The following FIGN variants were observed in gnomAD, a reference collection of about 807,000 sequenced individuals.
FIGN encodes fidgetin, microtubule severing factor.
A neutral mutation model predicts 51.3 loss-of-function variants in FIGN; 11 were observed. The observed-to-expected ratio is 0.21, with a 90% CI of 0.13 to 0.35. The LOEUF is 0.35. FIGN is among the 10% of genes least tolerant of loss of function. The probability of loss-of-function intolerance (pLI) is 1.00; values close to 1 mark genes in which losing one functional copy is unlikely to be tolerated. For missense variants in FIGN, 857 were observed against 943.6 expected (o/e 0.91, Z 1.20); for synonymous variants, 407 against 363.2 (o/e 1.12, Z -1.37).
intron 2 of FIGN, among the ~76,000 whole-genome samples, chr2:163,616,022 C>G (rs1342857633): frequency 6.6e-6 from 1 of 151,996 alleles, no homozygotes; most frequent in Non-Finnish European, 1.5e-5. Flanking sequence ...AACATCTGAG[C>G]ATTGTTCTTA....
chr2:163,638,867 A>G (rs1683265468), intron 2 of FIGN, among the ~76,000 whole-genome samples: 1 of 152,174 alleles, frequency 6.6e-6, no homozygotes, highest in Admixed American at 6.6e-5. Context: ...GTTAGAACAT[A>G]TTACATCTCC....
At position 163,695,675 on chromosome 2, in the gene FIGN, C is replaced by G. The variant is rs1573956140; in HGVS notation, c.25+39228G>C. ...TCCTGGGCAAACTAAGATGTATATT[C>G]CCAGTAATTATAGCACTTAGTAGTT... On this transcript the variant is annotated intron_variant, in intron 2 of 2. Transcript: ENST00000333129. 4.6e-5 allele frequency among the ~76,000 whole-genome samples: 7 copies of G among 152,314 alleles called. No individual in the cohort carries two copies. The South Asian group carries it at 1.2e-3, about 27-fold the overall frequency.
At chr2:163,651,638 A>C (rs1683479524) in intron 2 of FIGN, among the ~76,000 whole-genome samples, 1 of 152,216 alleles carries the variant, frequency 6.6e-6, no homozygotes, top group Non-Finnish European at 1.5e-5. Context: ...GCTTTAAAAA[A>C]TGAGAGCTAA....
At chr2:163,694,993 G>T (rs910261298) in intron 2 of FIGN, among the ~76,000 whole-genome samples, 1 of 151,898 alleles carries the variant, frequency 6.6e-6, no homozygotes, top group African/African-American at 2.4e-5. Context: ...CTTTCTCCCA[G>T]GCCCCAGACT....
At chr2:163,716,492 C>T (rs780088421) in intron 2 of FIGN, among the ~76,000 whole-genome samples, 6 of 152,116 alleles carry the variant, frequency 3.9e-5, no homozygotes, top group Non-Finnish European at 7.3e-5. Context: ...GATTCCCTAC[C>T]ATTAGCTTTT....
chr2:163,604,936 C>CTTTTTTTTTTTTTTTTTTTT lies in FIGN; in HGVS notation c.*4615_*4616insAAAAAAAAAAAAAAAAAAAA, dbSNP rs71410075. On this transcript the variant is annotated 3_prime_UTR_variant, in exon 3 of 3. Transcript: ENST00000333129. ...TTTTAAGCCCAGAAATAAACTTTTG[C>CTTTTTTTTTTTTTTTTTTTT]TTTTTTTTTTTTTTTTTTTGTATCA... 1 of 94,258 alleles carries CTTTTTTTTTTTTTTTTTTTT rather than the reference C, an allele frequency of 1.1e-5. No individual in the cohort carries two copies. Among genetic ancestry groups the CTTTTTTTTTTTTTTTTTTTT allele is most frequent in the South Asian group, 4.7e-4 (1 of 2,144 alleles). The allele number at this position is 94,258 out of a possible 1,614,324, so 5.8% of individuals were successfully genotyped here.
At chr2:163,706,095 G>A (rs1048906005) in intron 2 of FIGN, among the ~76,000 whole-genome samples, 5 of 152,166 alleles carry the variant, frequency 3.3e-5, no homozygotes, top group South Asian at 2.1e-4. Context: ...AGCTCTATTC[G>A]TATTGCATAT....
At chr2:163,731,429 T>C (rs911485450) in intron 2 of FIGN, among the ~76,000 whole-genome samples, 1 of 152,134 alleles carries the variant, frequency 6.6e-6, no homozygotes, top group Non-Finnish European at 1.5e-5. Flanking sequence ...TATATTATCA[T>C]CTAAAAGTAA....
At chr2:163,636,755 G>A (rs1683231848) in intron 2 of FIGN, among the ~76,000 whole-genome samples, 2 of 151,896 alleles carry the variant, frequency 1.3e-5, no homozygotes, top group African/African-American at 4.8e-5. Context: ...AAAACTAACT[G>A]TAATATTAAA....
rs992311493 is a variant in FIGN at position 163,668,290 on chromosome 2, G to A, written c.26-56484C>T. On this transcript the variant is annotated intron_variant, in intron 2 of 2. Transcript: ENST00000333129. ...AAAAAAGAAGGGTCAAGCCCTGGGA[G>A]CCCCTATAACATAAAGTTCAAACTG... 3.9e-5 allele frequency among the ~76,000 whole-genome samples: 6 copies of A among 152,226 alleles called. No homozygotes were observed. The East Asian group carries it at 1.2e-3, about 30-fold the overall frequency.
chr2:163,675,325 T>C (rs1683939254), intron 2 of FIGN, among the ~76,000 whole-genome samples: 1 of 152,246 alleles, frequency 6.6e-6, no homozygotes, highest in African/African-American at 2.4e-5. Flanking sequence ...CAACCTGGAA[T>C]ACGTGACATC....
chr2:163,653,450 G>T (rs955911520), intron 2 of FIGN, among the ~76,000 whole-genome samples: 1 of 151,914 alleles, frequency 6.6e-6, no homozygotes, highest in Non-Finnish European at 1.5e-5. Flanking sequence ...AAGTATTTTG[G>T]ATAACAAATT....
chr2:163,707,265 T>G (rs1684514736), intron 2 of FIGN, among the ~76,000 whole-genome samples: 1 of 151,834 alleles, frequency 6.6e-6, no homozygotes, highest in Admixed American at 6.6e-5. Flanking sequence ...ATGAGAATCG[T>G]TTGAATCCAG....
chr2:163,621,342 G>A (rs1682968943), intron 2 of FIGN, among the ~76,000 whole-genome samples: 2 of 151,856 alleles, frequency 1.3e-5, no homozygotes, highest in Non-Finnish European at 2.9e-5. Flanking sequence ...CTTGGACTTC[G>A]AAAAAAAATT....
chr2:163,609,897 C>T lies in FIGN; in HGVS notation c.1935G>A (p.Met645Ile). Residue 645 changes from methionine to isoleucine, a missense_variant, in exon 3 of 3, where the codon ATG becomes ATA. By Grantham distance (10) the Met-to-Ile change is conservative (BLOSUM62 1). This residue lies in a region of FIGN where 799 missense variants were observed against 849.5 expected (regional missense o/e 0.94). Transcript: ENST00000333129. ...EIDESLRRYF[M>I]KRLLIPLPDS... ...CAGGAAGTGGGATTAAAAGTCGTTT[C>T]ATGAAGTACCTCCGAAGGGATTCAT... The T allele has an allele frequency of 3.1e-6, 5 of 1,614,158 alleles. No homozygotes were observed. Among genetic ancestry groups the T allele is most frequent in the Non-Finnish European group, 4.2e-6 (5 of 1,180,044 alleles).
chr2:163,647,138 C>CA (rs1326342924), intron 2 of FIGN, among the ~76,000 whole-genome samples: 1 of 152,156 alleles, frequency 6.6e-6, no homozygotes, highest in African/African-American at 2.4e-5. Flanking sequence ...TGGGTGAATT[C>CA]AATATACCAA....
At chr2:163,721,430 G>T (rs887836111) in intron 2 of FIGN, among the ~76,000 whole-genome samples, 4 of 152,110 alleles carry the variant, frequency 2.6e-5, no homozygotes, top group African/African-American at 4.8e-5. Context: ...TTTAACAAAG[G>T]AACTAAACAC....
chr2:163,621,651 T>TA (rs1458452345), intron 2 of FIGN, among the ~76,000 whole-genome samples: 2 of 152,084 alleles, frequency 1.3e-5, no homozygotes, highest in East Asian at 3.9e-4. Context: ...TCTAGTGAAA[T>TA]AGACCTGGTG....
chr2:163,687,231 T>C (rs1053337464), intron 2 of FIGN, among the ~76,000 whole-genome samples: 2 of 152,202 alleles, frequency 1.3e-5, no homozygotes, highest in Non-Finnish European at 2.9e-5. Flanking sequence ...TAGATTTTTC[T>C]AGATATAATA....
Sources: gnomAD v4.1 joint callset for allele counts (sites outside exome capture counted in the v4.1 genomes callset) on GRCh38, gnomAD v4.1.1 for gene constraint, gnomAD v4.1.1 regional missense constraint, MANE v1.5 for transcripts, NCBI Gene and HGNC (gene_info 2026-07-23, HGNC 2026-07-21) for gene names.